RAB38: variants seen among roughly 807,000 people sequenced by gnomAD.
RAB38 encodes RAB38, member RAS oncogene family.
Under a neutral mutation model 18.4 loss-of-function variants are expected in RAB38, and 15 were observed. That is an observed-to-expected ratio of 0.82 (90% CI 0.55 to 1.26). RAB38 has a LOEUF of 1.26. Among genes scored for constraint, RAB38 ranks in the 50% most tolerant of loss-of-function variants. The pLI is 0.00. For missense variants in RAB38, 294 were observed against 267.4 expected (o/e 1.10, Z -0.69); for synonymous variants, 101 against 104.4 (o/e 0.97, Z 0.20).
chr11:88,031,778 C>A, the RAB38 span, among the ~76,000 whole-genome samples: 1 of 152,044 alleles, frequency 6.6e-6, no homozygotes, highest in Non-Finnish European at 1.5e-5. Flanking sequence ...TAGGAAGAAT[C>A]AATATCGTGA....
chr11:87,832,050 A>G, the RAB38 span, among the ~76,000 whole-genome samples: 10 of 152,354 alleles, frequency 6.6e-5, no homozygotes, highest in Admixed American at 5.9e-4. Context: ...CATGAGCTGA[A>G]GGCCTGGTTC....
the RAB38 span, among the ~76,000 whole-genome samples, chr11:87,962,178 TC>T: frequency 1.3e-5 from 2 of 152,086 alleles, no homozygotes; most frequent in Admixed American, 6.6e-5. Context: ...CTTGCCCTTT[TC>T]CGAAAGAAGG....
chr11:88,156,264 T>TA (rs1372438432), intron 1 of RAB38, among the ~76,000 whole-genome samples: 2 of 152,134 alleles, frequency 1.3e-5, no homozygotes, highest in African/African-American at 4.8e-5. Flanking sequence ...AAAAGAATCT[T>TA]AAAGGCAGCT....
At chr11:88,127,514 A>G (rs752488013) in intron 2 of RAB38, among the ~76,000 whole-genome samples, 76 of 152,196 alleles carry the variant, frequency 5.0e-4, no homozygotes, top group Admixed American at 3.3e-4. Context: ...AGTGGTTAAG[A>G]GTAGAGGGGT....
chr11:87,858,567 G>A, the RAB38 span, among the ~76,000 whole-genome samples: 3 of 152,050 alleles, frequency 2.0e-5, no homozygotes, highest in East Asian at 5.8e-4. Context: ...TTACAGACAG[G>A]TGCTCCACAC....
the RAB38 span, among the ~76,000 whole-genome samples, chr11:87,869,181 C>T: frequency 4.0e-5 from 6 of 151,662 alleles, no homozygotes; most frequent in African/African-American, 1.5e-4. Flanking sequence ...CTGCTGTCTG[C>T]TGAATGATCA....
At chr11:88,105,259 A>G in the RAB38 span, among the ~76,000 whole-genome samples, 2 of 152,036 alleles carry the variant, frequency 1.3e-5, no homozygotes, top group African/African-American at 2.4e-5. Flanking sequence ...GCCACTTGTC[A>G]TTATCTTTTT....
At chr11:87,943,940 A>G in the RAB38 span, among the ~76,000 whole-genome samples, 1 of 152,156 alleles carries the variant, frequency 6.6e-6, no homozygotes, top group Non-Finnish European at 1.5e-5. Flanking sequence ...TGTTTGGCCA[A>G]TTGGTAGAAA....
downstream of RAB38, among the ~76,000 whole-genome samples, chr11:88,113,067 G>A (rs1008354236): frequency 6.6e-6 from 1 of 151,854 alleles, no homozygotes; most frequent in Non-Finnish European, 1.5e-5. Flanking sequence ...AATATGAACA[G>A]TAAATGCAGA....
At chr11:87,974,311 T>A in the RAB38 span, among the ~76,000 whole-genome samples, 5 of 150,334 alleles carry the variant, frequency 3.3e-5, no homozygotes, top group Non-Finnish European at 5.9e-5. Flanking sequence ...CAAATGGAAA[T>A]GAAAACTACA....
At chr11:88,104,470 T>C in the RAB38 span, among the ~76,000 whole-genome samples, 1 of 152,112 alleles carries the variant, frequency 6.6e-6, no homozygotes, top group African/African-American at 2.4e-5. Context: ...CAAAATCTTT[T>C]GAGCCAGCCA....
At chr11:88,005,066 A>T in the RAB38 span, among the ~76,000 whole-genome samples, 1 of 151,476 alleles carries the variant, frequency 6.6e-6, no homozygotes, top group Non-Finnish European at 1.5e-5. Flanking sequence ...AAAGCAATTG[A>T]TGAATCTAAT....
chr11:87,975,048 T>G, the RAB38 span, among the ~76,000 whole-genome samples: 1 of 151,862 alleles, frequency 6.6e-6, no homozygotes, highest in African/African-American at 2.4e-5. Context: ...TCCAGGTGAT[T>G]GCCAGCAATC....
the RAB38 span, among the ~76,000 whole-genome samples, chr11:88,083,608 T>A: frequency 5.3e-5 from 8 of 151,934 alleles, no homozygotes; most frequent in African/African-American, 1.9e-4. Flanking sequence ...TGAAACTTAA[T>A]CTTCATTTTG....
intron 2 of RAB38, among the ~76,000 whole-genome samples, chr11:88,135,712 G>T (rs1942827484): frequency 6.6e-6 from 1 of 152,144 alleles, no homozygotes; most frequent in Non-Finnish European, 1.5e-5. Context: ...GTCTTCCAAA[G>T]AAACTCTTCC....
chr11:87,822,739 A>G, the RAB38 span, among the ~76,000 whole-genome samples: 1 of 152,238 alleles, frequency 6.6e-6, no homozygotes, highest in Admixed American at 6.5e-5. Flanking sequence ...GTTTAAGTCC[A>G]GTCTATATAC....
chr11:87,855,308 T>C, the RAB38 span, among the ~76,000 whole-genome samples: 1 of 152,176 alleles, frequency 6.6e-6, no homozygotes, highest in Non-Finnish European at 1.5e-5. Context: ...TCTTCAGATA[T>C]CATACCCAGG....
chr11:87,976,622 T>C, the RAB38 span, among the ~76,000 whole-genome samples: 1 of 107,872 alleles, frequency 9.3e-6, no homozygotes, highest in Admixed American at 1.1e-4. Flanking sequence ...TTACATGATA[T>C]ATAAATATAT....
At chr11:88,055,350 A>C in the RAB38 span, among the ~76,000 whole-genome samples, 1 of 152,246 alleles carries the variant, frequency 6.6e-6, no homozygotes, top group Non-Finnish European at 1.5e-5. Flanking sequence ...GTAAATCATC[A>C]ACATTAGATT....
Sources: gnomAD v4.1 joint callset for allele counts (sites outside exome capture counted in the v4.1 genomes callset) on GRCh38, gnomAD v4.1.1 for gene constraint, MANE v1.5 for transcripts, NCBI Gene and HGNC (gene_info 2026-07-23, HGNC 2026-07-21) for gene names.